Variants in KDM5B observed in about 807,000 individuals in gnomAD.
KDM5B encodes the protein lysine-specific demethylase 5B.
Under a neutral mutation model 193.4 loss-of-function variants are expected in KDM5B, and 144 were observed. That is an observed-to-expected ratio of 0.74 (90% CI 0.65 to 0.86). The LOEUF (loss-of-function observed/expected upper bound fraction) is 0.86, where lower values mean the gene tolerates loss of function less well. Ranked by LOEUF, KDM5B falls within the 40% of genes least tolerant of loss-of-function variation. The pLI is 0.00. For missense variants in KDM5B, 1,833 were observed against 1,886.9 expected (o/e 0.97, Z 0.53); for synonymous variants, 668 against 682.6 (o/e 0.98, Z 0.33).
At chr1:202,789,457 G>A (rs1000300975) in intron 1 of KDM5B, among the ~76,000 whole-genome samples, 1 of 149,756 alleles carries the variant, frequency 6.7e-6, no homozygotes, top group Non-Finnish European at 1.5e-5. Flanking sequence ...GGAGGCAGAG[G>A]TTGCAAAGTG....
intron 1 of KDM5B, among the ~76,000 whole-genome samples, chr1:202,804,815 T>C (rs1379120752): frequency 6.9e-6 from 1 of 144,690 alleles, no homozygotes; most frequent in East Asian, 2.0e-4. Flanking sequence ...GCAGAGGTTG[T>C]GATGAGCCAC....
At chr1:202,803,205 A>C (rs895085811) in intron 1 of KDM5B, among the ~76,000 whole-genome samples, 3 of 152,192 alleles carry the variant, frequency 2.0e-5, no homozygotes, top group Non-Finnish European at 2.9e-5. Context: ...ATGTTTATTA[A>C]TGTTTTTCAA....
intron 1 of KDM5B, chr1:202,797,002 A>T (rs1308185381): frequency 6.6e-6 from 1 of 152,316 alleles, no homozygotes; most frequent in Non-Finnish European, 1.5e-5. Flanking sequence ...CCCTTGGATC[A>T]TCAAGTCTAT....
chr1:202,784,070 A>C (rs1013508083), intron 1 of KDM5B, among the ~76,000 whole-genome samples: 1 of 152,228 alleles, frequency 6.6e-6, no homozygotes, highest in Non-Finnish European at 1.5e-5. Context: ...TGTTTAAAAA[A>C]TAAAGTCAAC....
In KDM5B at chr1:202,745,905, G is replaced by T. The variant is rs1655533279; in HGVS notation, c.2276C>A (p.Ala759Asp). 1.9e-6 allele frequency: 3 copies of T among 1,613,830 alleles called. No homozygotes were observed. In the East Asian group the frequency reaches 6.7e-5, roughly 36 times the overall value. Residue 759 changes from alanine to aspartate, a missense_variant, in exon 16 of 27, where the codon GCC becomes GAC. Ala to Asp is a moderately radical substitution (Grantham distance 126). This residue lies in a region of KDM5B where 1,379 missense variants were observed against 1,349.6 expected (regional missense o/e 1.02). Coordinates refer to ENST00000367265, the MANE Select transcript of KDM5B (RefSeq NM_006618.5). ...CTCCAAAGCTTCATTCACATTCAAG[G>T]CCCATTCGTTGTAAGATTCTGCTCG... ...KLRAESYNEW[A>D]LNVNEALEAK... is the part of the protein sequence containing the mutation.
In KDM5B at chr1:202,731,819, A is replaced by C. The variant is rs1654892365; in HGVS notation, c.4021+9T>G. ...TATCCAGCCCTCAACGTAATAACAA[A>C]ATACAAACCATGGAGGGGGATACAA... is the stretch of plus-strand genomic sequence containing the variant. On this transcript the variant is annotated intron_variant, in intron 24 of 26. Transcript: ENST00000367265. The C allele has an allele frequency of 5.1e-6, 8 of 1,578,114 alleles. No individual in the cohort carries two copies. Among genetic ancestry groups the C allele is most frequent in the Non-Finnish European group, 6.1e-6 (7 of 1,147,266 alleles).
chr1:202,740,263 G>GCCAATATT (rs1655267012), intron 20 of KDM5B, among the ~76,000 whole-genome samples: 1 of 143,910 alleles, frequency 6.9e-6, no homozygotes, highest in Admixed American at 6.9e-5. Flanking sequence ...CGGACGGGGC[G>GCCAATATT]GCTGGCCGGG....
chr1:202,729,902 T>TC lies in KDM5B; in HGVS notation c.4301_4302insG (p.Lys1436GlufsTer21). ...GGTGGCTCAGTTTGATTTTCTTCTT[T>TC]TTGGGGGTCCGCATTTTCTTAACTC... On this transcript the variant is annotated frameshift_variant, in exon 26 of 27. Coordinates refer to ENST00000367265, the MANE Select transcript of KDM5B (RefSeq NM_006618.5). LOFTEE classifies it high-confidence loss of function. 6.2e-7 allele frequency: 1 copy of TC among 1,614,176 alleles called. No individual in the cohort carries two copies. The highest frequency in any genetic ancestry group is 8.5e-7 in the Non-Finnish European group (1 of 1,180,000).
intron 6 of KDM5B, 150 bp from the exon 7 acceptor site, chr1:202,762,958 G>A: frequency 1.7e-6 from 1 of 582,014 alleles, no homozygotes; most frequent in Non-Finnish European, 3.1e-6. Flanking sequence ...TTTATTCAAG[G>A]GCTCAAATGC....
intron 5 of KDM5B, among the ~76,000 whole-genome samples, chr1:202,764,920 T>C (rs1309244311): frequency 6.6e-6 from 1 of 152,204 alleles, no homozygotes; most frequent in African/African-American, 2.4e-5. Flanking sequence ...GAGGTTGCAG[T>C]GAGCCAAGAC....
intron 14 of KDM5B, 196 bp from the exon 15 acceptor site, chr1:202,746,519 TCTC>T: frequency 2.1e-6 from 1 of 473,226 alleles, no homozygotes; most frequent in Non-Finnish European, 3.7e-6. Context: ...TCTAGGGAGA[TCTC>T]CTTTTTCAGA....
rs1654738180 is a variant in KDM5B, at chr1:202,728,082, AC to A, written c.*953del. On this transcript the variant is annotated 3_prime_UTR_variant, in exon 27 of 27. Coordinates refer to ENST00000367265, the MANE Select transcript of KDM5B (RefSeq NM_006618.5). The stretch of plus-strand genomic sequence containing the variant: ...TAATGTTGTTTGCAGGCTAACATCC[AC>A]TGCTACTGCAACCTGGTTGGGCAGA... 1 of 152,340 alleles carries A rather than the reference AC, an allele frequency of 6.6e-6. No homozygotes were observed. The highest frequency in any genetic ancestry group is 1.5e-5 in the Non-Finnish European group (1 of 68,066). 9.4% of individuals were successfully genotyped at this position (152,340 alleles called of 1,614,324 possible).
At chr1:202,737,939 C>A (rs1309181409) in intron 20 of KDM5B, among the ~76,000 whole-genome samples, 1 of 152,182 alleles carries the variant, frequency 6.6e-6, no homozygotes, top group Non-Finnish European at 1.5e-5. Context: ...AGAATTAAAT[C>A]TGTTAGGGCA....
In KDM5B at chr1:202,736,412, T is replaced by C; in HGVS notation, c.3085-20A>G. The C allele has an allele frequency of 6.6e-7, 1 of 1,516,778 alleles. No individual in the cohort carries two copies. 94.0% of individuals were successfully genotyped at this position (1,516,778 alleles called of 1,614,324 possible). ...TCCAGCCTAATAAGTCAAGAAAAAT[T>C]ACAGCAGTTTAGAGAAAAGAACACT... On this transcript the variant is annotated intron_variant, in intron 20 of 26. Coordinates refer to ENST00000367265, the MANE Select transcript of KDM5B (RefSeq NM_006618.5).
At chr1:202,746,411 A>G in intron 14 of KDM5B, 88 bp from the exon 15 acceptor site, 12 of 575,774 alleles carry the variant, frequency 2.1e-5, no homozygotes, top group East Asian at 8.0e-5. Context: ...TTGAGTCTGA[A>G]AAAAAAAAAA....
chr1:202,795,671 C>A (rs1657815602), intron 1 of KDM5B, among the ~76,000 whole-genome samples: 1 of 150,902 alleles, frequency 6.6e-6, no homozygotes, highest in South Asian at 2.1e-4. Context: ...AAAGAGGGGA[C>A]TACTCTCTAC....
At position 202,728,999 on chromosome 1, in the gene KDM5B, AATTAC is replaced by A; in HGVS notation, c.*32_*36del. On this transcript the variant is annotated 3_prime_UTR_variant, in exon 27 of 27. Coordinates refer to ENST00000367265, the MANE Select transcript of KDM5B (RefSeq NM_006618.5). ...AGAAATCCTCTTGGTTGGAGTCCTG[AATTAC>A]ATTAAGTAGGGGGGTATCTGTTTTT... 6.2e-7 allele frequency: 1 copy of A among 1,613,398 alleles called. No homozygotes were observed. Among genetic ancestry groups the A allele is most frequent in the Non-Finnish European group, 8.5e-7 (1 of 1,179,498 alleles).
chr1:202,742,365 T>C, intron 18 of KDM5B, 26 bp downstream of exon 18: 1 of 1,481,702 alleles, frequency 6.7e-7, no homozygotes, highest in Non-Finnish European at 9.4e-7. Context: ...ACCAAAGTAT[T>C]CTCCCACACA....
intron 17 of KDM5B, 45 bp downstream of exon 17, chr1:202,742,610 C>A: frequency 3.7e-6 from 6 of 1,610,548 alleles, no homozygotes; most frequent in Non-Finnish European, 4.2e-6. Flanking sequence ...GGTTTCCAAA[C>A]ATAGGTGCCA....
Sources: gnomAD v4.1 joint callset for allele counts (sites outside exome capture counted in the v4.1 genomes callset) on GRCh38, gnomAD v4.1.1 for gene constraint, gnomAD v4.1.1 regional missense constraint, MANE v1.5 for transcripts, NCBI Gene and HGNC (gene_info 2026-07-23, HGNC 2026-07-21) for gene names.